Variants in KRABD5 observed in about 807,000 individuals in gnomAD.
KRABD5 encodes the protein KRAB domain containing 5.
chr16:31,742,199 A>AT, the KRABD5 span, among the ~76,000 whole-genome samples: 76 of 151,422 alleles, frequency 5.0e-4, no homozygotes, highest in Non-Finnish European at 9.1e-4. Flanking sequence ...TCCTCAAAAA[A>AT]AAAAAAGATG....
the KRABD5 span, among the ~76,000 whole-genome samples, chr16:31,727,467 G>C: frequency 6.6e-6 from 1 of 152,230 alleles, no homozygotes; most frequent in East Asian, 1.9e-4. Context: ...GCAGTGTGCT[G>C]AGAGGAGCAG....
chr16:31,719,814 A>T, the KRABD5 span, among the ~76,000 whole-genome samples: 1 of 152,346 alleles, frequency 6.6e-6, no homozygotes, highest in African/African-American at 2.4e-5. Context: ...GTTTCTAGAG[A>T]CATCCCACCT....
At chr16:31,735,078 TTTTCTCTTTTCTTTTCTTTCTCTCTC>T in the KRABD5 span, among the ~76,000 whole-genome samples, 301 of 151,666 alleles carry the variant, frequency 2.0e-3, 2 homozygotes, top group African/African-American at 5.9e-3. Context: ...TTCTCTTTTC[TTTTCTCTTTTCTTTTCTTTCTCTCTC>T]TTTCTTTCTT....
At chr16:31,757,654 A>G in the KRABD5 span, 1 of 152,210 alleles carries the variant, frequency 6.6e-6, no homozygotes, top group Non-Finnish European at 1.5e-5. Context: ...CAATTCTGAA[A>G]CAGTTTTACA....
chr16:31,717,112 T>G, the KRABD5 span, among the ~76,000 whole-genome samples: 1 of 149,148 alleles, frequency 6.7e-6, no homozygotes. Flanking sequence ...TTCTCCTGCC[T>G]AGCCTCCCAA....
At chr16:31,732,297 A>G in the KRABD5 span, among the ~76,000 whole-genome samples, 1 of 152,222 alleles carries the variant, frequency 6.6e-6, no homozygotes, top group South Asian at 2.1e-4. Flanking sequence ...AGAAATATGC[A>G]TGGGGGCCTC....
At chr16:31,719,769 T>C in the KRABD5 span, among the ~76,000 whole-genome samples, 1 of 152,192 alleles carries the variant, frequency 6.6e-6, no homozygotes, top group African/African-American at 2.4e-5. Flanking sequence ...AAGGACAATA[T>C]GGGGGCCTGA....
the KRABD5 span, among the ~76,000 whole-genome samples, chr16:31,749,820 C>T: frequency 2.0e-5 from 3 of 152,148 alleles, no homozygotes; most frequent in African/African-American, 7.2e-5. Context: ...GTGAAAGATT[C>T]ACACACTTAT....
the KRABD5 span, chr16:31,723,240 CTT>C: frequency 6.2e-7 from 1 of 1,609,378 alleles, no homozygotes; most frequent in Non-Finnish European, 8.5e-7. Flanking sequence ...AGTCATGTGA[CTT>C]TTTCTAATAA....
chr16:31,716,268 A>G, the KRABD5 span, among the ~76,000 whole-genome samples: 3 of 152,164 alleles, frequency 2.0e-5, no homozygotes, highest in African/African-American at 7.2e-5. Context: ...CACAGGAGTA[A>G]GTCAGAGCAT....
the KRABD5 span, among the ~76,000 whole-genome samples, chr16:31,732,430 A>C: frequency 6.6e-6 from 1 of 152,238 alleles, no homozygotes; most frequent in Non-Finnish European, 1.5e-5. Flanking sequence ...TACGCATTGT[A>C]TAAGATGTAA....
the KRABD5 span, among the ~76,000 whole-genome samples, chr16:31,750,508 G>A: frequency 6.6e-6 from 1 of 152,120 alleles, no homozygotes; most frequent in Non-Finnish European, 1.5e-5. Flanking sequence ...CTCTTTGGAT[G>A]CCTTTTATTT....
the KRABD5 span, among the ~76,000 whole-genome samples, chr16:31,720,240 A>G: frequency 6.6e-6 from 1 of 152,192 alleles, no homozygotes; most frequent in Non-Finnish European, 1.5e-5. Context: ...CTGGCAAAGG[A>G]TGTGATTTTT....
chr16:31,728,775 T>A, the KRABD5 span, among the ~76,000 whole-genome samples: 1 of 152,362 alleles, frequency 6.6e-6, no homozygotes, highest in Non-Finnish European at 1.5e-5. Flanking sequence ...ATTCTCATAT[T>A]GTTGGATGGG....
the KRABD5 span, chr16:31,713,364 G>A: frequency 6.3e-7 from 1 of 1,579,014 alleles, no homozygotes; most frequent in Non-Finnish European, 8.6e-7. Context: ...CAGAACCTCT[G>A]TTACTCTGTG....
the KRABD5 span, among the ~76,000 whole-genome samples, chr16:31,715,945 G>A: frequency 6.6e-6 from 1 of 152,124 alleles, no homozygotes; most frequent in African/African-American, 2.4e-5. Flanking sequence ...AGCGACTGAG[G>A]ACAGAAAGGG....
chr16:31,727,503 C>T, the KRABD5 span, among the ~76,000 whole-genome samples: 9 of 152,214 alleles, frequency 5.9e-5, no homozygotes, highest in African/African-American at 2.2e-4. Flanking sequence ...CTTATATACC[C>T]ACTTTTCATT....
At chr16:31,754,598 C>G in the KRABD5 span, 2 of 484,090 alleles carry the variant, frequency 4.1e-6, no homozygotes, top group Non-Finnish European at 8.1e-6. Context: ...CCATGTCCAT[C>G]AGAGTATCTT....
At chr16:31,754,315 A>C in the KRABD5 span, 2 of 615,144 alleles carry the variant, frequency 3.3e-6, no homozygotes, top group Admixed American at 2.9e-5. Flanking sequence ...ATCAATATAG[A>C]AAGGTCTTCA....
Sources: allele counts gnomAD v4.1 joint callset (sites outside exome capture counted in the v4.1 genomes callset), GRCh38; gene constraint gnomAD v4.1.1; transcripts MANE v1.5; gene names NCBI Gene and HGNC (gene_info 2026-07-23, HGNC 2026-07-21).